The following ASH2L variants were observed in gnomAD, a reference collection of about 807,000 sequenced individuals.
ASH2L encodes set1/Ash2 histone methyltransferase complex subunit ASH2.
Under a neutral mutation model 81.1 loss-of-function variants are expected in ASH2L, and 30 were observed. That is an observed-to-expected ratio of 0.37 (90% CI 0.28 to 0.50). The LOEUF is 0.50. Ranked by LOEUF, ASH2L falls within the 20% of genes least tolerant of loss-of-function variation. The pLI is 0.95. For synonymous variants in ASH2L, 273 were observed against 279.9 expected, an observed-to-expected ratio of 0.98 and a Z score of 0.24; for missense variants, 559 against 792.1, an observed-to-expected ratio of 0.71 and a Z score of 3.53.
intron 13 of ASH2L, among the ~76,000 whole-genome samples, chr8:38,135,188 A>C (rs998563155): frequency 3.3e-5 from 5 of 152,218 alleles, no homozygotes; most frequent in African/African-American, 1.2e-4. Context: ...GAATAATAAA[A>C]TATAGAAATG....
intron 10 of ASH2L, chr8:38,122,244 A>C (rs1375709760): frequency 6.6e-6 from 1 of 152,164 alleles, no homozygotes. Context: ...TTTTAAAAAA[A>C]AAATTTCTTT....
At chr8:38,133,039 A>G (rs1802120484) in intron 12 of ASH2L, among the ~76,000 whole-genome samples, 1 of 151,922 alleles carries the variant, frequency 6.6e-6, no homozygotes. Flanking sequence ...GTGAGAAGAG[A>G]TCACACCATT....
At chr8:38,106,948 T>C (rs1810460842) in intron 2 of ASH2L, 73 bp from the exon 3 acceptor site, 3 of 1,564,220 alleles carry the variant, frequency 1.9e-6, no homozygotes, top group Non-Finnish European at 2.6e-6. Context: ...GAGACCCCCG[T>C]CTCTTAAAAA....
Position 38,105,744 on chromosome 8 carries a change from A to T in ASH2L, c.188+6A>T. On this transcript the variant is annotated splice_donor_region_variant and intron_variant, in intron 1 of 15. Coordinates refer to ENST00000343823, the MANE Select transcript of ASH2L (RefSeq NM_004674.5). ...TCCGGGGAGGCTGAAGGCGGGTAAG[A>T]GGTCCTGCCGCCCGAGGAAGACGCG... The T allele has an allele frequency of 6.6e-7, 1 of 1,511,890 alleles. No homozygotes were observed. The allele number at this position is 1,511,890 out of a possible 1,614,324, so 93.7% of individuals were successfully genotyped here.
intron 13 of ASH2L, among the ~76,000 whole-genome samples, chr8:38,135,193 G>C (rs1802204888): frequency 6.6e-6 from 1 of 152,126 alleles, no homozygotes; most frequent in African/African-American, 2.4e-5. Context: ...ATAAAATATA[G>C]AAATGTTTGG....
chr8:38,131,196 T>A (rs1039884060), intron 12 of ASH2L, among the ~76,000 whole-genome samples: 11 of 152,190 alleles, frequency 7.2e-5, no homozygotes, highest in African/African-American at 2.7e-4. Context: ...TATATCACAC[T>A]AGTGACTTAT....
intron 10 of ASH2L, among the ~76,000 whole-genome samples, chr8:38,126,135 A>AGAGGTTGCAGTGAGCC (rs1275364146): frequency 6.6e-6 from 1 of 151,496 alleles, no homozygotes; most frequent in African/African-American, 2.4e-5. Flanking sequence ...CCCGGGAGCC[A>AGAGGTTGCAGTGAGCC]GAGGTTGCAG....
chr8:38,131,186 TATATCACACTA>T (rs1802046121), intron 12 of ASH2L, among the ~76,000 whole-genome samples: 1 of 152,202 alleles, frequency 6.6e-6, no homozygotes, highest in Non-Finnish European at 1.5e-5. Flanking sequence ...TTTTATTGAT[TATATCACACTA>T]GTGACTTATT....
At chr8:38,118,163 T>C (rs1810986798) in intron 8 of ASH2L, among the ~76,000 whole-genome samples, 1 of 152,350 alleles carries the variant, frequency 6.6e-6, no homozygotes, top group South Asian at 2.1e-4. Flanking sequence ...AGGAATAACA[T>C]CTGAGGTGTT....
In ASH2L at chr8:38,138,573, G is replaced by T; in HGVS notation, c.1720-243G>T. 3 of 436,406 alleles carry T rather than the reference G, an allele frequency of 6.9e-6. No individual in the cohort carries two copies. In the South Asian group the frequency reaches 1.2e-4, roughly 18 times the overall value. 27.0% of individuals were successfully genotyped at this position (436,406 alleles called of 1,614,324 possible). A position where few individuals can be genotyped will look rare whatever the true frequency, so the allele number is the denominator to read the frequency against. ...TTTTCCTTTTGACAGAGCAAATTGG[G>T]ATCCTGAATTTTTATTTTTCTTTGA... On this transcript the variant is annotated intron_variant, in intron 14 of 15. Coordinates refer to ENST00000343823, the MANE Select transcript of ASH2L (RefSeq NM_004674.5).
intron 7 of ASH2L, among the ~76,000 whole-genome samples, chr8:38,115,218 T>C (rs1810847752): frequency 6.6e-6 from 1 of 152,202 alleles, no homozygotes; most frequent in Non-Finnish European, 1.5e-5. Flanking sequence ...TTCCCCAAAA[T>C]GTTATGAATT....
At position 38,119,718 on chromosome 8, in the gene ASH2L, T is replaced by C. The variant is rs1811058182; in HGVS notation, c.947+355T>C. ...TACTTGGGAGGCTGAGGCAGGAGAA[T>C]CGCTTGAACCTGGGAGGCGGGTGGC... On this transcript the variant is annotated intron_variant, in intron 9 of 15. Transcript: ENST00000343823. 2.0e-5 allele frequency among the ~76,000 whole-genome samples: 3 copies of C among 152,040 alleles called. No individual in the cohort carries two copies. In the South Asian group the frequency reaches 6.2e-4, roughly 32 times the overall value.
intron 10 of ASH2L, among the ~76,000 whole-genome samples, chr8:38,125,825 G>A (rs2130543182): frequency 6.6e-6 from 1 of 152,240 alleles, no homozygotes; most frequent in Non-Finnish European, 1.5e-5. Context: ...TCACTATTTT[G>A]ATAGCATATA....
chr8:38,110,860 G>C, intron 5 of ASH2L, 27 bp downstream of exon 5: 2 of 1,584,320 alleles, frequency 1.3e-6, no homozygotes, highest in Non-Finnish European at 1.7e-6. Context: ...TGTGATTGCA[G>C]TTATATTGAA....
At chr8:38,116,757 T>C in intron 8 of ASH2L, 32 bp downstream of exon 8, 1 of 1,571,242 alleles carries the variant, frequency 6.4e-7, no homozygotes, top group Non-Finnish European at 8.7e-7. Flanking sequence ...TGCTGAAATA[T>C]TTGGAAGCTA....
chr8:38,134,820 G>A (rs1247684116), intron 13 of ASH2L, among the ~76,000 whole-genome samples: 3 of 152,186 alleles, frequency 2.0e-5, no homozygotes, highest in Admixed American at 6.5e-5. Context: ...GCCCCCTCTT[G>A]TGGGAAGAGA....
At position 38,128,969 on chromosome 8, in the gene ASH2L, C is replaced by CAAA. The variant is rs1563259778; in HGVS notation, c.1527+18_1527+19insAAA. ...AAGATAAGGTGAGTTTGTCCTCTCCCGGCAGATTCCTGGCTTTGAAGGCCT... is the reference window on the plus strand; with the variant it reads ...AAGATAAGGTGAGTTTGTCCTCTCCCAAAGGCAGATTCCTGGCTTTGAAGGCCT... On this transcript the variant is annotated intron_variant, in intron 12 of 15. Transcript: ENST00000343823. 6.2e-7 allele frequency: 1 copy of CAAA among 1,603,778 alleles called. No individual in the cohort carries two copies. The highest frequency in any genetic ancestry group is 1.1e-5 in the South Asian group (1 of 89,340).
chr8:38,114,858 T>A (rs1329513553), intron 6 of ASH2L, 47 bp from the exon 7 acceptor site: 30 of 1,259,040 alleles, frequency 2.4e-5, no homozygotes, highest in Non-Finnish European at 3.3e-5. Flanking sequence ...ATTCCATACT[T>A]TTAAGTATAA....
intron 8 of ASH2L, chr8:38,118,978 G>T: frequency 3.6e-6 from 1 of 277,486 alleles, no homozygotes; most frequent in Non-Finnish European, 6.8e-6. Flanking sequence ...GTCACACCCT[G>T]AGAAAGTATA....
Sources: gnomAD v4.1 joint callset for allele counts (sites outside exome capture counted in the v4.1 genomes callset) on GRCh38, gnomAD v4.1.1 for gene constraint, MANE v1.5 for transcripts, NCBI Gene and HGNC (gene_info 2026-07-23, HGNC 2026-07-21) for gene names.